Variants in SH3RF3 observed in about 807,000 individuals in gnomAD.
SH3RF3 encodes SH3 domain containing ring finger 3, also known as E3 ubiquitin-protein ligase SH3RF3.
SH3RF3 carries 29 observed loss-of-function variants against 66.3 expected under a neutral mutation model. That is an observed-to-expected ratio of 0.44 (90% CI 0.33 to 0.60). The LOEUF (loss-of-function observed/expected upper bound fraction) is 0.60. Ranked by LOEUF, SH3RF3 falls within the 20% of genes least tolerant of loss-of-function variation. The pLI is 0.04. For missense variants in SH3RF3, 1,194 were observed against 1,190.9 expected (o/e 1.00, Z -0.04); for synonymous variants, 583 against 532.0 (o/e 1.10, Z -1.32).
At chr2:109,360,827 T>C (rs1022007586) in intron 2 of SH3RF3, among the ~76,000 whole-genome samples, 3 of 152,218 alleles carry the variant, frequency 2.0e-5, no homozygotes, top group African/African-American at 7.2e-5. Flanking sequence ...CTTGTCTTAT[T>C]GTATTATCAA....
chr2:109,386,630 C>T (rs905501995), intron 3 of SH3RF3, among the ~76,000 whole-genome samples: 1 of 152,188 alleles, frequency 6.6e-6, no homozygotes, highest in Non-Finnish European at 1.5e-5. Flanking sequence ...ATCCCTACCA[C>T]TTTCTGAGCT....
chr2:109,227,168 G>A (rs1271397723), intron 1 of SH3RF3, among the ~76,000 whole-genome samples: 1 of 152,174 alleles, frequency 6.6e-6, no homozygotes, highest in African/African-American at 2.4e-5. Flanking sequence ...GCAGTGGTTG[G>A]CTCAGACTTA....
At chr2:109,142,204 C>G (rs1378642883) in intron 1 of SH3RF3, among the ~76,000 whole-genome samples, 1 of 152,156 alleles carries the variant, frequency 6.6e-6, no homozygotes, top group Non-Finnish European at 1.5e-5. Context: ...ACTCTTGCGC[C>G]TTTGTGACTG....
chr2:109,358,594 T>G lies in SH3RF3; in HGVS notation c.849+10645T>G, dbSNP rs540746929. Reference sequence around the variant, plus strand: ...ACACTGTCTTCTTTGGTGAAGTGTCTTCTTTGGTGAAGGTCTTTGACTCAC... The same window carrying G: ...ACACTGTCTTCTTTGGTGAAGTGTCGTCTTTGGTGAAGGTCTTTGACTCAC... On this transcript the variant is annotated intron_variant, in intron 2 of 9. Coordinates refer to ENST00000309415, the MANE Select transcript of SH3RF3 (RefSeq NM_001099289.3). Among the ~76,000 whole-genome samples, 5 of 152,356 alleles carry G rather than the reference T, an allele frequency of 3.3e-5. No individual in the cohort carries two copies. The South Asian group carries it at 1.0e-3, about 32-fold the overall frequency.
At chr2:109,320,673 G>A (rs1682001580) in intron 1 of SH3RF3, among the ~76,000 whole-genome samples, 1 of 152,200 alleles carries the variant, frequency 6.6e-6, no homozygotes, top group African/African-American at 2.4e-5. Context: ...TGTTGTTCTT[G>A]TAAAATTACT....
chr2:109,195,066 A>G (rs1444071027), intron 1 of SH3RF3, among the ~76,000 whole-genome samples: 2 of 152,178 alleles, frequency 1.3e-5, no homozygotes, highest in African/African-American at 2.4e-5. Flanking sequence ...AGGAATCCTA[A>G]TACCCTGGTT....
chr2:109,171,379 G>A (rs1166829521), intron 1 of SH3RF3, among the ~76,000 whole-genome samples: 1 of 152,164 alleles, frequency 6.6e-6, no homozygotes, highest in African/African-American at 2.4e-5. Flanking sequence ...GCTATTTGTT[G>A]TTAGTGACTA....
chr2:109,489,764 G>A (rs1679079568), intron 8 of SH3RF3, among the ~76,000 whole-genome samples: 1 of 151,572 alleles, frequency 6.6e-6, no homozygotes, highest in African/African-American at 2.4e-5. Flanking sequence ...GGGGGACGGA[G>A]TCTCGCTCTG....
intron 1 of SH3RF3, among the ~76,000 whole-genome samples, chr2:109,170,982 T>TC (rs1677767357): frequency 6.6e-6 from 1 of 151,902 alleles, no homozygotes; most frequent in Non-Finnish European, 1.5e-5. Context: ...CACAGGGCGC[T>TC]CCCCACAGGA....
At chr2:109,179,514 T>C (rs1678025650) in intron 1 of SH3RF3, among the ~76,000 whole-genome samples, 1 of 152,144 alleles carries the variant, frequency 6.6e-6, no homozygotes, top group Admixed American at 6.5e-5. Flanking sequence ...GGGTAACTTA[T>C]AAAGAAAACA....
chr2:109,488,080 A>C (rs1293700118), intron 8 of SH3RF3, among the ~76,000 whole-genome samples: 1 of 152,052 alleles, frequency 6.6e-6, no homozygotes, highest in Non-Finnish European at 1.5e-5. Flanking sequence ...CCAGGAGGGG[A>C]GGAGCGGCCA....
At chr2:109,367,862 T>G (rs1337286953) in intron 2 of SH3RF3, among the ~76,000 whole-genome samples, 1 of 152,198 alleles carries the variant, frequency 6.6e-6, no homozygotes, top group Non-Finnish European at 1.5e-5. Context: ...TCCAAGGCTT[T>G]GATATTTGAT....
chr2:109,444,419 G>T (rs10185657), intron 7 of SH3RF3, among the ~76,000 whole-genome samples: 1 of 152,112 alleles, frequency 6.6e-6, no homozygotes, highest in African/African-American at 2.4e-5. Context: ...GCCTTGTTGG[G>T]TGACTTTCAA....
At chr2:109,497,411 C>T (rs918804370) in intron 9 of SH3RF3, among the ~76,000 whole-genome samples, 7 of 152,196 alleles carry the variant, frequency 4.6e-5, no homozygotes, top group African/African-American at 1.2e-4. Flanking sequence ...ATCCAAACCT[C>T]GCACACAGAG....
chr2:109,435,606 G>A (rs982220096), intron 6 of SH3RF3, among the ~76,000 whole-genome samples: 6 of 152,222 alleles, frequency 3.9e-5, no homozygotes, highest in Non-Finnish European at 8.8e-5. Context: ...CACTAAGGAA[G>A]TAGGACTAGC....
intron 2 of SH3RF3, among the ~76,000 whole-genome samples, chr2:109,355,170 A>G (rs1362059297): frequency 6.6e-6 from 1 of 152,248 alleles, no homozygotes; most frequent in Non-Finnish European, 1.5e-5. Flanking sequence ...ATGAAAGTCT[A>G]CGGGCCCACA....
At chr2:109,349,047 C>T (rs1468534544) in intron 2 of SH3RF3, among the ~76,000 whole-genome samples, 2 of 152,150 alleles carry the variant, frequency 1.3e-5, no homozygotes, top group African/African-American at 2.4e-5. Flanking sequence ...CACACACACA[C>T]GCACAGAGTT....
At position 109,387,950 on chromosome 2, in the gene SH3RF3, A is replaced by G. The variant is rs140643286; in HGVS notation, c.946-10640A>G. On this transcript the variant is annotated intron_variant, in intron 3 of 9. Transcript: ENST00000309415. ...CCCACACTGGCCCAGATTCCCAACCATGCTGAGGCTCCCCACACCAATTCC... is the reference window on the plus strand; with the variant it reads ...CCCACACTGGCCCAGATTCCCAACCGTGCTGAGGCTCCCCACACCAATTCC... Among the ~76,000 whole-genome samples the G allele has an allele frequency of 1.6e-3, 237 of 151,850 alleles. 1 individual carries two copies. Among genetic ancestry groups the G allele is most frequent in the South Asian group, 2.7e-3 (13 of 4,788 alleles).
intron 1 of SH3RF3, among the ~76,000 whole-genome samples, chr2:109,333,545 A>G (rs1042681125): frequency 5.9e-5 from 9 of 152,168 alleles, no homozygotes; most frequent in African/African-American, 2.2e-4. Context: ...TTGGAACACA[A>G]TCTCACCCAC....
Sources: gnomAD v4.1 joint callset for allele counts (sites outside exome capture counted in the v4.1 genomes callset) on GRCh38, gnomAD v4.1.1 for gene constraint, MANE v1.5 for transcripts, NCBI Gene and HGNC (gene_info 2026-07-23, HGNC 2026-07-21) for gene names.